Variants in ADGRL2 observed in about 807,000 individuals in gnomAD.
ADGRL2 encodes calcium-independent alpha-latrotoxin receptor 2.
In ADGRL2, 44 loss-of-function variants were observed where a neutral mutation model predicts 157.4. That is an observed-to-expected ratio of 0.28 (90% CI 0.22 to 0.36). The LOEUF is 0.36. ADGRL2 is among the 10% of genes least tolerant of loss of function. ADGRL2 has a pLI of 1.00. For synonymous variants in ADGRL2, 585 were observed against 624.7 expected (o/e 0.94, Z 0.95); for missense variants, 1,510 against 1,768.9 (o/e 0.85, Z 2.63).
At chr1:81,318,569 A>C (rs1660267413) in intron 1 of ADGRL2, among the ~76,000 whole-genome samples, 1 of 152,212 alleles carries the variant, frequency 6.6e-6, no homozygotes. Flanking sequence ...AAGTAGTTGA[A>C]TAAATGGTGA....
At chr1:81,541,975 G>T (rs982841031) in intron 2 of ADGRL2, among the ~76,000 whole-genome samples, 1 of 152,046 alleles carries the variant, frequency 6.6e-6, no homozygotes, top group African/African-American at 2.4e-5. Flanking sequence ...GTAAAGAAAA[G>T]AAATCTCTTT....
At position 81,466,978 on chromosome 1, in the gene ADGRL2, G is replaced by A. The variant is rs946037943; in HGVS notation, c.-248+21889G>A. On this transcript the variant is annotated intron_variant, in intron 2 of 24. Transcript: ENST00000370721. ...CTGTTTATTCTTTAATGATAGTGCC[G>A]TCTTCCTTTCTTCCTTCACACCAGC... Among the ~76,000 whole-genome samples the A allele has an allele frequency of 3.3e-5, 5 of 150,268 alleles. No homozygotes were observed. In the South Asian group the frequency reaches 6.4e-4, roughly 19 times the overall value.
intron 3 of ADGRL2, among the ~76,000 whole-genome samples, chr1:81,686,167 G>T (rs1479932929): frequency 1.3e-5 from 2 of 151,934 alleles, no homozygotes; most frequent in Non-Finnish European, 2.9e-5. Flanking sequence ...AGTTAGGGAG[G>T]GTTCCTTCTT....
At chr1:81,884,382 A>G (rs1437008609) in intron 2 of ADGRL2, among the ~76,000 whole-genome samples, 1 of 152,188 alleles carries the variant, frequency 6.6e-6, no homozygotes, top group Non-Finnish European at 1.5e-5. Context: ...TTGACTGAAT[A>G]TAGTTTCCTA....
intron 1 of ADGRL2, among the ~76,000 whole-genome samples, chr1:81,308,947 C>T (rs1454770151): frequency 6.6e-6 from 1 of 152,152 alleles, no homozygotes; most frequent in Non-Finnish European, 1.5e-5. Context: ...ATCTATAGAA[C>T]TGGTAAACTT....
At chr1:81,328,980 A>G (rs1661089520) in intron 1 of ADGRL2, among the ~76,000 whole-genome samples, 2 of 151,756 alleles carry the variant, frequency 1.3e-5, no homozygotes, top group African/African-American at 2.4e-5. Flanking sequence ...AAAAAAATCT[A>G]TCAACTTATT....
intron 1 of ADGRL2, among the ~76,000 whole-genome samples, chr1:81,353,165 C>G (rs576810922): frequency 2.0e-5 from 3 of 152,032 alleles, no homozygotes; most frequent in African/African-American, 7.2e-5. Context: ...GGCAGTCTCT[C>G]TTCCAGACCC....
intron 2 of ADGRL2, among the ~76,000 whole-genome samples, chr1:81,542,674 G>A (rs899879021): frequency 1.3e-5 from 2 of 152,188 alleles, no homozygotes; most frequent in African/African-American, 2.4e-5. Flanking sequence ...TAAGAATACA[G>A]TGGCTATTAT....
chr1:81,606,027 T>TAAAA (rs2081425227), intron 3 of ADGRL2, among the ~76,000 whole-genome samples: 2 of 152,202 alleles, frequency 1.3e-5, no homozygotes, highest in African/African-American at 4.8e-5. Context: ...TCACTTTTTT[T>TAAAA]AACAAGTACT....
chr1:81,428,335 TA>T lies in ADGRL2; in HGVS notation c.-301-16690del, dbSNP rs57763882. ...CAAATTAAAAAAAATATCTCAAAAT[TA>T]AAAAAAAAAAGAAAACCTCAGTATG... On this transcript the variant is annotated intron_variant, in intron 1 of 24. Transcript: ENST00000370721. Among the ~76,000 whole-genome samples, 468 of 146,526 alleles carry T rather than the reference TA, an allele frequency of 3.2e-3. 3 individuals are homozygous for T. Among genetic ancestry groups the T allele is most frequent in the Non-Finnish European group, 4.4e-3 (290 of 66,224 alleles).
chr1:81,665,819 T>C (rs2082739709), intron 3 of ADGRL2, among the ~76,000 whole-genome samples: 1 of 152,112 alleles, frequency 6.6e-6, no homozygotes, highest in Admixed American at 6.6e-5. Context: ...GATGTTTATG[T>C]CAATAACCAG....
chr1:81,723,024 T>C, intron 1 of ADGRL2: 3 of 771,388 alleles, frequency 3.9e-6, no homozygotes, highest in Non-Finnish European at 7.0e-6. Context: ...AACCCAAAGG[T>C]TATGAATCTT....
At chr1:81,760,170 G>T (rs2085826095) in intron 1 of ADGRL2, among the ~76,000 whole-genome samples, 1 of 152,096 alleles carries the variant, frequency 6.6e-6, no homozygotes, top group Non-Finnish European at 1.5e-5. Context: ...GTGGAGGCAA[G>T]TTGCCCATTA....
chr1:81,958,837 T>G (rs937625956), intron 11 of ADGRL2, among the ~76,000 whole-genome samples: 2 of 152,184 alleles, frequency 1.3e-5, no homozygotes, highest in Non-Finnish European at 2.9e-5. Flanking sequence ...TTTTCGTCCA[T>G]GTAGATTAGT....
chr1:81,846,514 T>C (rs1007492136), intron 2 of ADGRL2, among the ~76,000 whole-genome samples: 1 of 151,670 alleles, frequency 6.6e-6, no homozygotes, highest in Non-Finnish European at 1.5e-5. Context: ...GGGATTCGTA[T>C]GAAGCCTGGT....
At chr1:81,662,145 T>A (rs529045784) in intron 3 of ADGRL2, among the ~76,000 whole-genome samples, 1 of 152,250 alleles carries the variant, frequency 6.6e-6, no homozygotes, top group East Asian at 1.9e-4. Context: ...ATCCTTCGAG[T>A]TACAAACAAT....
intron 1 of ADGRL2, among the ~76,000 whole-genome samples, chr1:81,737,205 A>G (rs1203504409): frequency 6.6e-6 from 1 of 152,154 alleles, no homozygotes; most frequent in African/African-American, 2.4e-5. Context: ...CCATTCTCAC[A>G]TGCTATAAAG....
chr1:81,719,950 C>T (rs2084243306), intron 1 of ADGRL2, among the ~76,000 whole-genome samples: 1 of 152,044 alleles, frequency 6.6e-6, no homozygotes. Context: ...GAAAACATGT[C>T]CAGGTACCAC....
chr1:81,836,255 A>C (rs902141515), intron 1 of ADGRL2, among the ~76,000 whole-genome samples: 28 of 152,084 alleles, frequency 1.8e-4, no homozygotes, highest in African/African-American at 6.8e-4. Context: ...ATTATGTAGA[A>C]TAAAATAATA....
Sources: gnomAD v4.1 joint callset for allele counts (sites outside exome capture counted in the v4.1 genomes callset) on GRCh38, gnomAD v4.1.1 for gene constraint, MANE v1.5 for transcripts, NCBI Gene and HGNC (gene_info 2026-07-23, HGNC 2026-07-21) for gene names.